Variants in AGBL1 observed in about 807,000 individuals in gnomAD.
AGBL1 encodes cytosolic carboxypeptidase 4.
Under a neutral mutation model 118.9 loss-of-function variants are expected in AGBL1, and 130 were observed. The ratio of observed to expected loss-of-function variants is 1.09; its 90% CI spans 0.95 to 1.26. The LOEUF is 1.26. Ranked by LOEUF, AGBL1 falls within the 50% of genes most tolerant of loss-of-function variation. The probability of loss-of-function intolerance (pLI) is 0.00; values close to 1 mark genes in which losing one functional copy is unlikely to be tolerated. For missense variants in AGBL1, 1,584 were observed against 1,298.1 expected (o/e 1.22, Z -3.38); for synonymous variants, 555 against 478.9 (o/e 1.16, Z -2.08).
At position 86,351,953 on chromosome 15, in the gene AGBL1, G is replaced by A. The variant is rs747823843; in HGVS notation, c.2375-45413G>A. ...CATTAAAAGTGTGACATCTAGTGTA[G>A]CAGGCACATGATTTATAGGACTCCT... is the stretch of plus-strand genomic sequence containing the variant. On this transcript the variant is annotated intron_variant, in intron 17 of 22. Transcript: ENST00000614907. 2.6e-4 allele frequency among the ~76,000 whole-genome samples: 39 copies of A among 152,238 alleles called. 1 individual carries two copies. The highest frequency in any genetic ancestry group is 2.2e-4 in the Non-Finnish European group (15 of 68,008).
intron 6 of AGBL1, among the ~76,000 whole-genome samples, chr15:86,225,484 A>G (rs1365575649): frequency 6.6e-6 from 1 of 152,158 alleles, no homozygotes; most frequent in Non-Finnish European, 1.5e-5. Context: ...TAACAAATTT[A>G]TATTTAAAAG....
chr15:87,030,664 T>C (rs2081774855), downstream of AGBL1, among the ~76,000 whole-genome samples: 1 of 151,966 alleles, frequency 6.6e-6, no homozygotes, highest in Non-Finnish European at 1.5e-5. Flanking sequence ...CCTTGTGCAC[T>C]TTTCCCCTCT....
intron 21 of AGBL1, among the ~76,000 whole-genome samples, chr15:86,631,537 T>C (rs2084966124): frequency 6.6e-6 from 1 of 152,218 alleles, no homozygotes; most frequent in Non-Finnish European, 1.5e-5. Flanking sequence ...TGTTTCTGAC[T>C]TACTAATTCT....
chr15:86,993,445 T>A (rs1031219187), intron 24 of AGBL1, among the ~76,000 whole-genome samples: 1 of 152,208 alleles, frequency 6.6e-6, no homozygotes, highest in Admixed American at 6.5e-5. Flanking sequence ...GTATTATGAA[T>A]AGGCAGCTGA....
chr15:86,113,529 A>C (rs1897567128), intron 1 of AGBL1, among the ~76,000 whole-genome samples: 1 of 151,798 alleles, frequency 6.6e-6, no homozygotes, highest in African/African-American at 2.4e-5. Flanking sequence ...CAGGTGGTCC[A>C]CCTGCCTTGG....
intron 23 of AGBL1, among the ~76,000 whole-genome samples, chr15:86,968,250 C>G (rs192305290): frequency 4.6e-5 from 7 of 151,856 alleles, no homozygotes; most frequent in African/African-American, 1.7e-4. Flanking sequence ...ATCTCTTTGA[C>G]CTTCTAGGGG....
chr15:86,522,105 G>A (rs1425151085), intron 18 of AGBL1, among the ~76,000 whole-genome samples: 7 of 152,094 alleles, frequency 4.6e-5, no homozygotes, highest in Non-Finnish European at 8.8e-5. Flanking sequence ...GGTCACTTTT[G>A]TAAAGTAACT....
chr15:86,677,417 C>G (rs62033715), intron 22 of AGBL1, among the ~76,000 whole-genome samples: 1 of 152,180 alleles, frequency 6.6e-6, no homozygotes, highest in Non-Finnish European at 1.5e-5. Flanking sequence ...TCTCCTTCCT[C>G]TCAATCTTAT....
rs71144074 is a variant in AGBL1 at position 86,827,938 on chromosome 15, C to CTTTTTTTTT, written c.3159-79137_3159-79129dup. Among the ~76,000 whole-genome samples the CTTTTTTTTT allele has an allele frequency of 2.5e-3, 42 of 16,760 alleles. 11 individuals carry two copies. In the East Asian group the frequency reaches 0.043, roughly 17 times the overall value. The allele number at this position is 16,760 out of a possible 152,430, so 11.0% of individuals were successfully genotyped here. On this transcript the variant is annotated intron_variant, in intron 22 of 22. Coordinates refer to ENST00000614907, the MANE Select transcript of AGBL1 (RefSeq NM_001386094.1). The stretch of plus-strand genomic sequence containing the variant: ...ATAGTCTCTGGCACTTGATGTAGGG[C>CTTTTTTTTT]TTTTTTTTTTTTTTTTTTTTGAGAC...
At chr15:86,812,761 C>A (rs1363377730) in intron 22 of AGBL1, among the ~76,000 whole-genome samples, 4 of 152,138 alleles carry the variant, frequency 2.6e-5, no homozygotes, top group Non-Finnish European at 4.4e-5. Flanking sequence ...TTTGGACTCA[C>A]AATCACCACC....
intron 13 of AGBL1, 40 bp from the exon 14 acceptor site, chr15:86,269,879 A>T (rs747587244): frequency 4.4e-6 from 7 of 1,604,008 alleles, no homozygotes; most frequent in Non-Finnish European, 6.0e-6. Flanking sequence ...TACCTGAAAG[A>T]CTTTCCAGAT....
intron 21 of AGBL1, among the ~76,000 whole-genome samples, chr15:86,635,040 T>C (rs2085052914): frequency 6.6e-6 from 1 of 152,166 alleles, no homozygotes; most frequent in Non-Finnish European, 1.5e-5. Flanking sequence ...ACAAAACTGA[T>C]AAAATTGTTT....
downstream of AGBL1, among the ~76,000 whole-genome samples, chr15:86,918,985 C>T (rs1033999023): frequency 6.6e-6 from 1 of 152,084 alleles, no homozygotes; most frequent in African/African-American, 2.4e-5. Flanking sequence ...ATCATGTGTT[C>T]CCCTGGTGAC....
At chr15:86,757,534 G>A (rs1202354089) in intron 22 of AGBL1, among the ~76,000 whole-genome samples, 1 of 152,090 alleles carries the variant, frequency 6.6e-6, no homozygotes, top group Non-Finnish European at 1.5e-5. Flanking sequence ...TGATTTTACA[G>A]AGGGAAAAAC....
intron 20 of AGBL1, among the ~76,000 whole-genome samples, chr15:86,552,723 G>A (rs1182616017): frequency 3.3e-5 from 5 of 152,116 alleles, no homozygotes; most frequent in Non-Finnish European, 7.3e-5. Flanking sequence ...ATTGTAATGA[G>A]CACTTTGAAG....
At chr15:86,316,736 T>C (rs1367879495) in intron 17 of AGBL1, 1 of 152,240 alleles carries the variant, frequency 6.6e-6, no homozygotes, top group East Asian at 1.9e-4. Flanking sequence ...TTACCCTAAC[T>C]GTTGTCTTCC....
At chr15:86,563,178 T>C (rs1449452448) in intron 21 of AGBL1, among the ~76,000 whole-genome samples, 1 of 152,198 alleles carries the variant, frequency 6.6e-6, no homozygotes, top group East Asian at 1.9e-4. Context: ...TTTCTTGCCT[T>C]CTGCTAGCTT....
chr15:86,692,861 T>C (rs2086196657), intron 22 of AGBL1, among the ~76,000 whole-genome samples: 1 of 152,170 alleles, frequency 6.6e-6, no homozygotes, highest in South Asian at 2.1e-4. Flanking sequence ...ATACAATGTT[T>C]GGTTTTCCAT....
rs184203400 is a variant in AGBL1 at position 86,687,258 on chromosome 15, A to C, written c.3158+12822A>C. 5.7e-4 allele frequency among the ~76,000 whole-genome samples: 87 copies of C among 152,122 alleles called. No homozygotes were observed. In the East Asian group the frequency reaches 0.012, roughly 21 times the overall value. On this transcript the variant is annotated intron_variant, in intron 22 of 22. Coordinates refer to ENST00000614907, the MANE Select transcript of AGBL1 (RefSeq NM_001386094.1). ...TGTGAGCCTCAAGAACTTCTAAGAC[A>C]CTCTTGTCAGGCACCTCTGTCTGCA...
Sources: allele counts gnomAD v4.1 joint callset (sites outside exome capture counted in the v4.1 genomes callset), GRCh38; gene constraint gnomAD v4.1.1; transcripts MANE v1.5; gene names NCBI Gene and HGNC (gene_info 2026-07-23, HGNC 2026-07-21).